The following CNTNAP5 variants were observed in gnomAD, a reference collection of about 807,000 sequenced individuals.
The protein encoded by CNTNAP5 is contactin-associated protein-like 5.
A neutral mutation model predicts 150.2 loss-of-function variants in CNTNAP5; 72 were observed. The ratio of observed to expected loss-of-function variants is 0.48; its 90% CI spans 0.40 to 0.58. The LOEUF is 0.58. CNTNAP5 is among the 20% of genes least tolerant of loss of function. The probability of loss-of-function intolerance (pLI) is 0.00; values close to 1 mark genes in which losing one functional copy is unlikely to be tolerated. For synonymous variants in CNTNAP5, 672 were observed against 619.8 expected (o/e 1.08, Z -1.25); for missense variants, 1,636 against 1,626.2 (o/e 1.01, Z -0.10).
chr2:124,485,017 A>G (rs148000521), intron 7 of CNTNAP5, among the ~76,000 whole-genome samples: 2 of 152,272 alleles, frequency 1.3e-5, no homozygotes, highest in African/African-American at 4.8e-5. Context: ...TGTTCCATAT[A>G]AGCCAGTTGG....
chr2:124,307,986 C>A lies in CNTNAP5; in HGVS notation c.381+65593C>A, dbSNP rs144893102. ...CAACAACTTTACAGTTAGAGAAACA[C>A]CGCTCTGAAAGTCTGAGTGCCAGGT... On this transcript the variant is annotated intron_variant, in intron 3 of 23. Transcript: ENST00000682447. Among the ~76,000 whole-genome samples the A allele has an allele frequency of 1.9e-3, 286 of 152,222 alleles. 11 individuals carry two copies. In the East Asian group the frequency reaches 0.044, roughly 23 times the overall value.
At chr2:124,483,224 G>T (rs1321053511) in intron 7 of CNTNAP5, among the ~76,000 whole-genome samples, 2 of 152,170 alleles carry the variant, frequency 1.3e-5, no homozygotes, top group Non-Finnish European at 2.9e-5. Context: ...GGGTCCTGGA[G>T]CCCCCAGGCT....
At chr2:124,779,526 C>T (rs1395206691) in intron 17 of CNTNAP5, among the ~76,000 whole-genome samples, 1 of 152,204 alleles carries the variant, frequency 6.6e-6, no homozygotes, top group Non-Finnish European at 1.5e-5. Context: ...CATGCTCACA[C>T]ACATACACAC....
chr2:124,452,465 A>G lies in CNTNAP5; in HGVS notation c.918+5528A>G, dbSNP rs114804742. Among the ~76,000 whole-genome samples the G allele has an allele frequency of 2.4e-3, 371 of 152,246 alleles. 3 individuals carry two copies. The highest frequency in any genetic ancestry group is 7.9e-3 in the African/African-American group (327 of 41,526). ...ATGGTCCTTCTCTACCCAACCTAGT[A>G]AATGAAGAAAAAGGGCATATACTCT... On this transcript the variant is annotated intron_variant, in intron 6 of 23. Coordinates refer to ENST00000682447, the MANE Select transcript of CNTNAP5 (RefSeq NM_001367498.1).
At chr2:124,690,777 C>T (rs2105078819) in intron 13 of CNTNAP5, among the ~76,000 whole-genome samples, 2 of 152,214 alleles carry the variant, frequency 1.3e-5, no homozygotes, top group South Asian at 4.1e-4. Flanking sequence ...ATATGGTCTC[C>T]TCCTCAAAGC....
intron 5 of CNTNAP5, among the ~76,000 whole-genome samples, chr2:124,445,664 G>A (rs1692794674): frequency 6.6e-6 from 1 of 152,158 alleles, no homozygotes; most frequent in Non-Finnish European, 1.5e-5. Context: ...CAGCCTTCGG[G>A]GAAGTGGCAG....
chr2:124,519,198 G>A (rs1315110552), intron 8 of CNTNAP5, among the ~76,000 whole-genome samples: 1 of 151,966 alleles, frequency 6.6e-6, no homozygotes, highest in East Asian at 1.9e-4. Context: ...CAGGGATAAG[G>A]GGATTGGGAG....
chr2:124,654,083 G>C (rs189913324), intron 13 of CNTNAP5, among the ~76,000 whole-genome samples: 1 of 152,238 alleles, frequency 6.6e-6, no homozygotes, highest in African/African-American at 2.4e-5. Flanking sequence ...CTGAGTGAAG[G>C]GACAGGATGA....
chr2:124,706,803 G>A (rs1159985670), intron 13 of CNTNAP5, among the ~76,000 whole-genome samples: 6 of 8,822 alleles, frequency 6.8e-4, no homozygotes, highest in Admixed American at 1.1e-3. Flanking sequence ...AGAAGGAGGA[G>A]GAGGAGGAGG....
At chr2:124,258,778 A>T (rs1015019750) in intron 3 of CNTNAP5, among the ~76,000 whole-genome samples, 1 of 152,226 alleles carries the variant, frequency 6.6e-6, no homozygotes, top group Non-Finnish European at 1.5e-5. Flanking sequence ...ATGCCTTCCT[A>T]CAATAGGACA....
intron 11 of CNTNAP5, among the ~76,000 whole-genome samples, chr2:124,580,553 T>G (rs1696387295): frequency 6.6e-6 from 1 of 152,254 alleles, no homozygotes; most frequent in Non-Finnish European, 1.5e-5. Context: ...CGAATCGTTC[T>G]TTGCTCAATT....
intron 3 of CNTNAP5, among the ~76,000 whole-genome samples, chr2:124,335,414 C>T (rs1395595045): frequency 6.6e-6 from 1 of 151,384 alleles, no homozygotes; most frequent in Non-Finnish European, 1.5e-5. Flanking sequence ...TAGCAAAGAC[C>T]AAAGGAGGAA....
intron 13 of CNTNAP5, among the ~76,000 whole-genome samples, chr2:124,726,803 T>G (rs1382590907): frequency 6.6e-6 from 1 of 152,036 alleles, no homozygotes; most frequent in Non-Finnish European, 1.5e-5. Flanking sequence ...CACTCTCGAT[T>G]GTTGATTTTT....
At chr2:124,348,425 C>T (rs1186133273) in intron 3 of CNTNAP5, among the ~76,000 whole-genome samples, 2 of 152,140 alleles carry the variant, frequency 1.3e-5, no homozygotes, top group African/African-American at 2.4e-5. Context: ...AACTTTCTGT[C>T]TCTCACTATT....
intron 1 of CNTNAP5, 34 bp from the exon 2 acceptor site, chr2:124,221,671 T>G (rs536642205): frequency 8.5e-6 from 11 of 1,296,120 alleles, no homozygotes; most frequent in Admixed American, 1.8e-5. Context: ...TAATAGAATC[T>G]GGTCTCTCTC....
At chr2:124,846,037 C>A (rs1173629289) in intron 19 of CNTNAP5, among the ~76,000 whole-genome samples, 1 of 149,730 alleles carries the variant, frequency 6.7e-6, no homozygotes, top group Non-Finnish European at 1.5e-5. Flanking sequence ...TATTTCTTTT[C>A]TTCTGCTGGC....
chr2:124,693,840 CA>C (rs142663614), intron 13 of CNTNAP5, among the ~76,000 whole-genome samples: 177 of 121,666 alleles, frequency 1.5e-3, no homozygotes, highest in Middle Eastern at 8.8e-3. Context: ...AAAAAAAAGG[CA>C]AAAAAAAAAA....
intron 1 of CNTNAP5, among the ~76,000 whole-genome samples, chr2:124,182,513 T>C (rs957660852): frequency 6.6e-6 from 1 of 152,158 alleles, no homozygotes; most frequent in Non-Finnish European, 1.5e-5. Context: ...AAGACGAGCA[T>C]GTTGACCTAT....
intron 3 of CNTNAP5, among the ~76,000 whole-genome samples, chr2:124,322,602 T>C (rs1689126462): frequency 6.6e-6 from 1 of 152,236 alleles, no homozygotes. Flanking sequence ...ATCAGGGTCA[T>C]CGGTATGTGT....
Sources: allele counts gnomAD v4.1 joint callset (sites outside exome capture counted in the v4.1 genomes callset), GRCh38; gene constraint gnomAD v4.1.1; transcripts MANE v1.5; gene names NCBI Gene and HGNC (gene_info 2026-07-23, HGNC 2026-07-21).